PICALM: variants seen among roughly 807,000 people sequenced by gnomAD.
PICALM encodes phosphatidylinositol binding clathrin assembly protein, also known as phosphatidylinositol-binding clathrin assembly protein.
A neutral mutation model predicts 80.5 loss-of-function variants in PICALM; 40 were observed. The observed-to-expected ratio is 0.50, with a 90% CI of 0.39 to 0.65. PICALM has a LOEUF of 0.65. Ranked by LOEUF, PICALM falls within the 30% of genes least tolerant of loss-of-function variation. The pLI, the probability that PICALM is intolerant of heterozygous loss-of-function variation, is 0.00. For synonymous variants in PICALM, 288 were observed against 260.3 expected, an observed-to-expected ratio of 1.11 and a Z score of -1.02; for missense variants, 676 against 778.9, an observed-to-expected ratio of 0.87 and a Z score of 1.57.
intron 4 of PICALM, among the ~76,000 whole-genome samples, chr11:86,015,651 A>G (rs1177723182): frequency 6.6e-6 from 1 of 152,234 alleles, no homozygotes; most frequent in Admixed American, 6.5e-5. Flanking sequence ...AAAAACCAGT[A>G]CATGAAAGGT....
intron 1 of PICALM, among the ~76,000 whole-genome samples, chr11:86,048,316 A>C (rs1329217175): frequency 6.6e-6 from 1 of 152,208 alleles, no homozygotes; most frequent in East Asian, 1.9e-4. Flanking sequence ...TTTCTAGGTT[A>C]GGCTACTACA....
chr11:86,016,822 A>G (rs1425842885), intron 4 of PICALM, among the ~76,000 whole-genome samples: 1 of 152,164 alleles, frequency 6.6e-6, no homozygotes, highest in Non-Finnish European at 1.5e-5. Context: ...CATGAAACAC[A>G]TAAGCTCTCA....
At chr11:85,962,520 A>G (rs74552533) in intron 19 of PICALM, among the ~76,000 whole-genome samples, 7,972 of 152,270 alleles carry the variant, frequency 0.052, 354 homozygotes, top group African/African-American at 0.13. Flanking sequence ...ATGCCCCTGA[A>G]GAATACGGAA....
intron 19 of PICALM, among the ~76,000 whole-genome samples, chr11:85,962,536 A>G (rs1019831735): frequency 2.0e-5 from 3 of 152,236 alleles, no homozygotes; most frequent in Admixed American, 6.5e-5. Flanking sequence ...CGGAAGAGAC[A>G]AATCTATTTT....
At chr11:86,017,658 GTA>G (rs2095502000) in intron 4 of PICALM, among the ~76,000 whole-genome samples, 1 of 152,160 alleles carries the variant, frequency 6.6e-6, no homozygotes, top group Non-Finnish European at 1.5e-5. Flanking sequence ...CAGCATACTA[GTA>G]TGGTAGAAAG....
intron 19 of PICALM, among the ~76,000 whole-genome samples, chr11:85,969,088 T>C (rs1018733347): frequency 3.3e-5 from 5 of 151,990 alleles, no homozygotes; most frequent in South Asian, 2.1e-4. Flanking sequence ...TCCTGAAGAA[T>C]TGAATCAAGT....
chr11:86,010,153 G>A (rs992644147), intron 7 of PICALM, among the ~76,000 whole-genome samples: 11 of 152,026 alleles, frequency 7.2e-5, no homozygotes, highest in Admixed American at 2.0e-4. Flanking sequence ...CCTTAAGAAC[G>A]CCTCTGTGGT....
intron 19 of PICALM, chr11:85,960,906 T>C: frequency 3.1e-6 from 1 of 318,796 alleles, no homozygotes. Context: ...AAGGGCAGTC[T>C]TTGTAGAAAA....
chr11:86,031,162 A>G, intron 2 of PICALM, among the ~76,000 whole-genome samples: 1 of 72,096 alleles, frequency 1.4e-5, no homozygotes, highest in South Asian at 3.3e-4. Flanking sequence ...ATAAAAGAAC[A>G]AATGGATATA....
chr11:85,998,302 G>A (rs1458790884), intron 11 of PICALM, among the ~76,000 whole-genome samples: 1 of 149,526 alleles, frequency 6.7e-6, no homozygotes, highest in Non-Finnish European at 1.5e-5. Context: ...TAGTAGAGAT[G>A]GGCTTTCACC....
At chr11:85,981,670 T>C (rs2094446699) in intron 16 of PICALM, 75 bp downstream of exon 16, 1 of 1,106,206 alleles carries the variant, frequency 9.0e-7, no homozygotes, top group Non-Finnish European at 1.4e-6. Flanking sequence ...GAAAGCCAAA[T>C]CAACCCTCCA....
intron 3 of PICALM, 52 bp downstream of exon 3, chr11:86,026,240 A>G: frequency 6.3e-6 from 6 of 959,016 alleles, no homozygotes; most frequent in South Asian, 5.4e-5. Context: ...TGGAGTAATC[A>G]TCATGTGGGT....
intron 1 of PICALM, among the ~76,000 whole-genome samples, chr11:86,049,317 T>C (rs2096135697): frequency 6.6e-6 from 1 of 152,180 alleles, no homozygotes; most frequent in Non-Finnish European, 1.5e-5. Context: ...ATCAGATCTT[T>C]ACTCCGGTTC....
intron 3 of PICALM, 29 bp from the exon 4 acceptor site, chr11:86,022,498 CAA>C (rs769811550): frequency 5.0e-6 from 6 of 1,204,844 alleles, no homozygotes; most frequent in Non-Finnish European, 6.9e-6. Context: ...AAAAACAAAA[CAA>C]AGAGAGAGAC....
At chr11:86,043,690 T>G (rs1291673782) in intron 1 of PICALM, among the ~76,000 whole-genome samples, 1 of 152,194 alleles carries the variant, frequency 6.6e-6, no homozygotes, top group African/African-American at 2.4e-5. Context: ...AAACAAAGGC[T>G]CATTTCTCCA....
intron 8 of PICALM, 176 bp downstream of exon 8, chr11:86,007,366 G>C (rs1198778729): frequency 4.8e-6 from 2 of 417,964 alleles, no homozygotes; most frequent in Non-Finnish European, 9.1e-6. Context: ...GTGGTAAGCA[G>C]ATCATTTTAC....
Position 86,031,509 on chromosome 11 carries a change from G to T in PICALM, c.233C>A (p.Ser78Tyr), listed in dbSNP as rs2095751876. The T allele has an allele frequency of 6.2e-7, 1 of 1,612,638 alleles. No homozygotes were observed. Among genetic ancestry groups the T allele is most frequent in the Non-Finnish European group, 8.5e-7 (1 of 1,179,370 alleles). Residue 78 changes from serine to tyrosine, a missense_variant, in exon 2 of 20, where the codon TCT becomes TAT. Transcript: ENST00000393346. ...TNSSWVVVFK[S>Y]LITTHHLMVY... ...CATCAAATGATGAGTTGTAATGAGAGATTTGAAGACCACCACCCAACTACT... is the reference window on the plus strand; with the variant it reads ...CATCAAATGATGAGTTGTAATGAGATATTTGAAGACCACCACCCAACTACT...
At chr11:86,045,010 AATC>A (rs1289249441) in intron 1 of PICALM, among the ~76,000 whole-genome samples, 2 of 152,228 alleles carry the variant, frequency 1.3e-5, no homozygotes, top group Admixed American at 1.3e-4. Context: ...ATTTCTGAAA[AATC>A]ATTTTTCAAA....
chr11:86,002,256 G>A (rs1018810716), intron 9 of PICALM, among the ~76,000 whole-genome samples: 14 of 152,016 alleles, frequency 9.2e-5, no homozygotes, highest in Admixed American at 6.5e-5. Context: ...TTAAAAATGA[G>A]TACTAAAATC....
Sources: allele counts gnomAD v4.1 joint callset (sites outside exome capture counted in the v4.1 genomes callset), GRCh38; gene constraint gnomAD v4.1.1; transcripts MANE v1.5; gene names NCBI Gene and HGNC (gene_info 2026-07-23, HGNC 2026-07-21).